The following PCSK2 variants were observed in gnomAD, a reference collection of about 807,000 sequenced individuals.
PCSK2 encodes the protein proprotein convertase subtilisin/kexin type 2.
PCSK2 carries 14 observed loss-of-function variants against 69.7 expected under a neutral mutation model. That is an observed-to-expected ratio of 0.20 (90% CI 0.13 to 0.31). The LOEUF is 0.31. Ranked by LOEUF, PCSK2 falls within the 10% of genes least tolerant of loss-of-function variation. The pLI, the probability that PCSK2 is intolerant of heterozygous loss-of-function variation, is 1.00. For synonymous variants in PCSK2, 307 were observed against 320.7 expected, an observed-to-expected ratio of 0.96 and a Z score of 0.46; for missense variants, 544 against 842.5, an observed-to-expected ratio of 0.65 and a Z score of 4.39.
chr20:17,387,507 G>A (rs2031267084), intron 5 of PCSK2, among the ~76,000 whole-genome samples: 2 of 152,118 alleles, frequency 1.3e-5, no homozygotes, highest in South Asian at 2.1e-4. Flanking sequence ...TTGGCAGGAG[G>A]CCTCAGTTCC....
intron 2 of PCSK2, among the ~76,000 whole-genome samples, chr20:17,297,556 G>A (rs993002559): frequency 6.6e-6 from 1 of 152,208 alleles, no homozygotes; most frequent in Non-Finnish European, 1.5e-5. Context: ...GGCTCAGGGG[G>A]TTGCCATGGG....
intron 2 of PCSK2, among the ~76,000 whole-genome samples, chr20:17,344,359 A>C (rs78675831): frequency 6.6e-6 from 1 of 151,886 alleles, no homozygotes; most frequent in African/African-American, 2.4e-5. Context: ...TTCAACACAC[A>C]TTTTTTTTCT....
chr20:17,396,161 T>C (rs540666217), intron 5 of PCSK2, among the ~76,000 whole-genome samples: 1 of 152,366 alleles, frequency 6.6e-6, no homozygotes, highest in South Asian at 2.1e-4. Flanking sequence ...CTCTGGCTGC[T>C]ACATTATCTT....
At chr20:17,353,956 A>C (rs1190000649) in intron 2 of PCSK2, among the ~76,000 whole-genome samples, 2 of 152,214 alleles carry the variant, frequency 1.3e-5, no homozygotes, top group African/African-American at 4.8e-5. Flanking sequence ...TTAGGTACAC[A>C]TGGGCATAAA....
chr20:17,238,733 T>G (rs987899931), intron 1 of PCSK2, among the ~76,000 whole-genome samples: 1 of 152,194 alleles, frequency 6.6e-6, no homozygotes, highest in African/African-American at 2.4e-5. Context: ...TTGGTTTGTT[T>G]TTTTACCATT....
chr20:17,431,616 T>A (rs1314387293), intron 7 of PCSK2, among the ~76,000 whole-genome samples: 2 of 152,152 alleles, frequency 1.3e-5, no homozygotes, highest in Non-Finnish European at 2.9e-5. Context: ...TAGCCCCAGC[T>A]TGGCTCCCCT....
chr20:17,474,622 G>A (rs1381938040), intron 11 of PCSK2, among the ~76,000 whole-genome samples: 1 of 152,104 alleles, frequency 6.6e-6, no homozygotes, highest in Non-Finnish European at 1.5e-5. Context: ...CCTTCCCCAT[G>A]AGCGTGGGGC....
chr20:17,465,595 C>A (rs1233074890), intron 11 of PCSK2, 42 bp downstream of exon 11: 2 of 1,236,744 alleles, frequency 1.6e-6, no homozygotes, highest in Non-Finnish European at 2.3e-6. Context: ...GTGGAAAGTG[C>A]CCCTGAGATG....
chr20:17,460,964 T>A (rs1378726791), intron 10 of PCSK2, among the ~76,000 whole-genome samples: 1 of 152,136 alleles, frequency 6.6e-6, no homozygotes, highest in African/African-American at 2.4e-5. Context: ...GAGCTCGAAT[T>A]GTTAAAGTAA....
At chr20:17,247,020 G>A (rs1986795880) in intron 1 of PCSK2, among the ~76,000 whole-genome samples, 1 of 152,104 alleles carries the variant, frequency 6.6e-6, no homozygotes, top group South Asian at 2.1e-4. Flanking sequence ...ACAATCCAGG[G>A]AAACCAGTAA....
At chr20:17,368,010 G>T (rs781419754) in intron 4 of PCSK2, among the ~76,000 whole-genome samples, 17 of 152,068 alleles carry the variant, frequency 1.1e-4, no homozygotes, top group Non-Finnish European at 2.1e-4. Flanking sequence ...AATCAACAGT[G>T]AAACCTAACA....
Position 17,453,858 on chromosome 20 carries a change from C to T in PCSK2, c.1002C>T (p.Ala334=), listed in dbSNP as rs1257602152. ...TGTGGACCATCTCCATCAACTCAGCCATCAACGACGGCAGGACTGCCCTGT... is the reference window on the plus strand; with the variant it reads ...TGTGGACCATCTCCATCAACTCAGCTATCAACGACGGCAGGACTGCCCTGT... ...SSMWTISINS[A]INDGRTALYD... Residue 334 remains alanine, a synonymous_variant, in exon 9 of 12, where the codon GCC becomes GCT. Transcript: ENST00000262545. The surrounding 1 kb of genome is among the most constrained non-coding windows in gnomAD (Gnocchi z 4.0). 6.2e-7 allele frequency: 1 copy of T among 1,614,252 alleles called. No homozygotes were observed.
At chr20:17,249,844 G>T (rs932101218) in intron 1 of PCSK2, among the ~76,000 whole-genome samples, 2 of 152,026 alleles carry the variant, frequency 1.3e-5, no homozygotes, top group Non-Finnish European at 2.9e-5. Context: ...GCTGGGGGGG[G>T]AATGGAGAGT....
At chr20:17,377,860 C>T (rs1209242744) in intron 5 of PCSK2, among the ~76,000 whole-genome samples, 1 of 152,174 alleles carries the variant, frequency 6.6e-6, no homozygotes. Flanking sequence ...AGAAATGAAA[C>T]CTTGCTTAAC....
chr20:17,476,429 A>G (rs942130253), intron 11 of PCSK2, among the ~76,000 whole-genome samples: 6 of 152,230 alleles, frequency 3.9e-5, no homozygotes, highest in Non-Finnish European at 8.8e-5. Context: ...CTATGTTTCA[A>G]TTGCTCATTA....
rs1423223513 is a variant in PCSK2 at position 17,445,273 on chromosome 20, A to G, written c.885+8390A>G. On this transcript the variant is annotated intron_variant, in intron 8 of 11. Coordinates refer to ENST00000262545, the MANE Select transcript of PCSK2 (RefSeq NM_002594.5). The stretch of plus-strand genomic sequence containing the variant: ...AGGTCTTGAAAGTGACAACTGATTC[A>G]TGAACGTCTTTCCACAACTTGAGGA... 5.3e-5 allele frequency among the ~76,000 whole-genome samples: 8 copies of G among 152,374 alleles called. No homozygotes were observed. In the East Asian group the frequency reaches 1.2e-3, roughly 22 times the overall value.
chr20:17,336,252 G>T (rs1437793556), intron 2 of PCSK2, among the ~76,000 whole-genome samples: 1 of 152,192 alleles, frequency 6.6e-6, no homozygotes, highest in African/African-American at 2.4e-5. Context: ...GAGCTGGAAA[G>T]ATGCAGGTTT....
At chr20:17,413,969 A>G (rs1471435674) in intron 6 of PCSK2, among the ~76,000 whole-genome samples, 2 of 152,136 alleles carry the variant, frequency 1.3e-5, no homozygotes, top group Non-Finnish European at 2.9e-5. Context: ...AAATAAAGAC[A>G]TTCTTTGAAA....
chr20:17,257,158 A>G (rs1195778678), intron 1 of PCSK2, among the ~76,000 whole-genome samples: 1 of 152,220 alleles, frequency 6.6e-6, no homozygotes, highest in African/African-American at 2.4e-5. Flanking sequence ...GTGGCCAACA[A>G]ACATATGAAA....
Sources: allele counts gnomAD v4.1 joint callset (sites outside exome capture counted in the v4.1 genomes callset), GRCh38; gene constraint gnomAD v4.1.1; non-coding constraint Gnocchi (gnomAD v3.1); transcripts MANE v1.5; gene names NCBI Gene and HGNC (gene_info 2026-07-23, HGNC 2026-07-21).